MARS1: variants seen among roughly 807,000 people sequenced by gnomAD.
MARS1 encodes methionyl-tRNA synthetase 1.
A neutral mutation model predicts 119.5 loss-of-function variants in MARS1; 80 were observed. That is an observed-to-expected ratio of 0.67 (90% CI 0.56 to 0.81). The LOEUF (loss-of-function observed/expected upper bound fraction) is 0.81, where lower values mean the gene tolerates loss of function less well. Ranked by LOEUF, MARS1 falls within the 30% of genes least tolerant of loss-of-function variation. The pLI, the probability that MARS1 is intolerant of heterozygous loss-of-function variation, is 0.00. For synonymous variants in MARS1, 418 were observed against 433.4 expected, an observed-to-expected ratio of 0.96 and a Z score of 0.44; for missense variants, 945 against 1,116.5, an observed-to-expected ratio of 0.85 and a Z score of 2.19.
At chr12:57,503,481 C>T (rs1168810083) in intron 10 of MARS1, among the ~76,000 whole-genome samples, 2 of 152,022 alleles carry the variant, frequency 1.3e-5, no homozygotes, top group Non-Finnish European at 2.9e-5. Flanking sequence ...GTTCCACCTG[C>T]CTCAGCCTCC....
chr12:57,503,875 C>T (rs1325115559), intron 10 of MARS1: 1 of 199,686 alleles, frequency 5.0e-6, no homozygotes, highest in East Asian at 1.3e-4. Context: ...CTCTCCCTGA[C>T]TTGTAGCTTC....
At chr12:57,500,566 T>A in intron 10 of MARS1, 44 bp downstream of exon 10, 2 of 1,573,098 alleles carry the variant, frequency 1.3e-6, no homozygotes, top group Non-Finnish European at 1.7e-6. Flanking sequence ...AGACAGTCCT[T>A]ATTCTTAAGG....
chr12:57,513,573 C>T (rs1427147834), intron 15 of MARS1, among the ~76,000 whole-genome samples: 2 of 150,234 alleles, frequency 1.3e-5, no homozygotes, highest in Non-Finnish European at 3.0e-5. Flanking sequence ...AGTACTCGTA[C>T]CCCTACACTC....
chr12:57,493,257 ATGAAAG>A (rs984267431), intron 7 of MARS1, among the ~76,000 whole-genome samples: 2 of 129,748 alleles, frequency 1.5e-5, no homozygotes, highest in African/African-American at 5.9e-5. Flanking sequence ...GAATGAATTT[ATGAAAG>A]TCCATCCTTG....
intron 7 of MARS1, among the ~76,000 whole-genome samples, chr12:57,494,768 A>G (rs1169704685): frequency 6.6e-6 from 1 of 151,922 alleles, no homozygotes; most frequent in African/African-American, 2.4e-5. Context: ...CACCGCCCTT[A>G]ATCCATTTAA....
intron 11 of MARS1, among the ~76,000 whole-genome samples, chr12:57,508,343 C>T (rs1042547469): frequency 6.6e-6 from 1 of 151,946 alleles, no homozygotes; most frequent in Non-Finnish European, 1.5e-5. Flanking sequence ...GAGCCGAGAT[C>T]ACACCACTGC....
chr12:57,489,711 C>A, intron 4 of MARS1, 153 bp downstream of exon 4: 1 of 1,209,112 alleles, frequency 8.3e-7, no homozygotes, highest in Non-Finnish European at 1.2e-6. Flanking sequence ...CAATTTTTTT[C>A]AGTTGTGAAA....
rs772842512 is a variant in MARS1 at position 57,514,901 on chromosome 12, T to C, written c.2099+50T>C. The C allele has an allele frequency of 1.1e-5, 18 of 1,613,594 alleles. No individual in the cohort carries two copies. The Admixed American group carries it at 2.0e-4, about 18-fold the overall frequency. ...TTCTGCTGGCATGTTGAGAGCCTCC[T>C]TGTATTGGTCTCTGTAGGACATTAC... On this transcript the variant is annotated intron_variant, in intron 16 of 20. Coordinates refer to ENST00000262027, the MANE Select transcript of MARS1 (RefSeq NM_004990.4).
intron 19 of MARS1, 67 bp downstream of exon 19, chr12:57,516,058 A>G: frequency 6.6e-7 from 1 of 1,514,476 alleles, no homozygotes; most frequent in Non-Finnish European, 9.2e-7. Context: ...AATTTCCCTA[A>G]GTAGTCCTCA....
intron 16 of MARS1, 29 bp downstream of exon 16, chr12:57,514,880 G>C (rs74520477): frequency 2.5e-6 from 4 of 1,613,230 alleles, no homozygotes; most frequent in East Asian, 4.5e-5. Context: ...TGTCTTTTCT[G>C]CTGGCATGTT....
At chr12:57,515,654 CA>C (rs1446227094) in intron 18 of MARS1, among the ~76,000 whole-genome samples, 1 of 152,148 alleles carries the variant, frequency 6.6e-6, no homozygotes, top group Non-Finnish European at 1.5e-5. Context: ...TCCTCTTTGA[CA>C]CAAAATGAAA....
Position 57,512,906 on chromosome 12 carries a change from G to GA in MARS1, c.1910dup (p.Asp637GlufsTer7), listed in dbSNP as rs1198788537. On this transcript the variant is annotated frameshift_variant, in exon 15 of 21. Coordinates refer to ENST00000262027, the MANE Select transcript of MARS1 (RefSeq NM_004990.4). LOFTEE classifies it high-confidence loss of function. ...CCAGGACAGTGCTTTCTCCTGGACG[G>GA]ACCTGCTGCTGAAGAATAATTCTGA... The GA allele has an allele frequency of 6.2e-7, 1 of 1,614,114 alleles. No individual in the cohort carries two copies. Among genetic ancestry groups the GA allele is most frequent in the African/African-American group, 1.3e-5 (1 of 74,924 alleles).
intron 11 of MARS1, among the ~76,000 whole-genome samples, chr12:57,507,967 T>G (rs1300429999): frequency 3.9e-5 from 5 of 127,796 alleles, no homozygotes; most frequent in South Asian, 2.6e-4. Context: ...GGGCGGAGGG[T>G]CTCCTCACTT....
chr12:57,507,683 CGGGACGGCTGGCCGGGCG>C (rs1565648240), intron 11 of MARS1, among the ~76,000 whole-genome samples: 12 of 106,318 alleles, frequency 1.1e-4, no homozygotes, highest in Admixed American at 1.8e-4. Flanking sequence ...CCCTCCCGGA[CGGGACGGCTGGCCGGGCG>C]GGGGTCTGGC....
Position 57,514,943 on chromosome 12 carries a change from T to C in MARS1, c.2100-11T>C. On this transcript the variant is annotated splice_polypyrimidine_tract_variant and intron_variant, in intron 16 of 20. Coordinates refer to ENST00000262027, the MANE Select transcript of MARS1 (RefSeq NM_004990.4). ...GGACATTACACCTTGGCCTGCTTCC[T>C]CCCTTCCCAGGATCCGGGATGCCTT... 1 of 1,614,160 alleles carries C rather than the reference T, an allele frequency of 6.2e-7. No homozygotes were observed. The highest frequency in any genetic ancestry group is 2.2e-5 in the East Asian group (1 of 44,886).
rs1236618111 is a variant in MARS1 at position 57,488,070 on chromosome 12, C to A, written c.-21C>A. ...AGCGGGAGGCCGGTTCCGGTTGCAT[C>A]AGCGAGGGATTCACGGCGAAATGAG... On this transcript the variant is annotated 5_prime_UTR_variant, in exon 1 of 21. Transcript: ENST00000262027. 17 of 1,608,276 alleles carry A rather than the reference C, an allele frequency of 1.1e-5. No homozygotes were observed. Among genetic ancestry groups the A allele is most frequent in the Non-Finnish European group, 1.4e-5 (17 of 1,174,972 alleles).
Position 57,514,877 on chromosome 12 carries a change from T to C in MARS1, c.2099+26T>C, listed in dbSNP as rs768146865. The C allele has an allele frequency of 2.5e-6, 4 of 1,613,170 alleles. No homozygotes were observed. In the South Asian group the frequency reaches 4.4e-5, roughly 18 times the overall value. ...GTAAGTAACTGACACCTCTGTCTTT[T>C]CTGCTGGCATGTTGAGAGCCTCCTT... is the stretch of plus-strand genomic sequence containing the variant. On this transcript the variant is annotated intron_variant, in intron 16 of 20. Transcript: ENST00000262027.
chr12:57,488,858 C>G, intron 1 of MARS1, 161 bp from the exon 2 acceptor site: 1 of 762,138 alleles, frequency 1.3e-6, no homozygotes, highest in South Asian at 1.8e-5. Context: ...CAGCCCATTC[C>G]GGACCACCCC....
chr12:57,512,418 A>G (rs1877566292), intron 14 of MARS1, 65 bp downstream of exon 14: 27 of 1,153,274 alleles, frequency 2.3e-5, no homozygotes, highest in Non-Finnish European at 3.5e-5. Flanking sequence ...CAGTACTTGG[A>G]AAAAGATCTT....
Sources: gnomAD v4.1 joint callset for allele counts (sites outside exome capture counted in the v4.1 genomes callset) on GRCh38, gnomAD v4.1.1 for gene constraint, MANE v1.5 for transcripts, NCBI Gene and HGNC (gene_info 2026-07-23, HGNC 2026-07-21) for gene names.